The following PDGFD variants were observed in gnomAD, a reference collection of about 807,000 sequenced individuals.
The protein encoded by PDGFD is platelet-derived growth factor D.
Under a neutral mutation model 44.7 loss-of-function variants are expected in PDGFD, and 30 were observed. The ratio of observed to expected loss-of-function variants is 0.67; its 90% CI spans 0.50 to 0.91. The LOEUF (loss-of-function observed/expected upper bound fraction) is 0.91, where lower values mean the gene tolerates loss of function less well. Ranked by LOEUF, PDGFD falls within the 40% of genes least tolerant of loss-of-function variation. The pLI is 0.00. For synonymous variants in PDGFD, 173 were observed against 168.4 expected (o/e 1.03, Z -0.21); for missense variants, 445 against 457.8 (o/e 0.97, Z 0.25).
intron 6 of PDGFD, among the ~76,000 whole-genome samples, chr11:103,925,213 AT>A (rs1488109226): frequency 6.6e-6 from 1 of 152,174 alleles, no homozygotes; most frequent in South Asian, 2.1e-4. Context: ...ACTGATGGGC[AT>A]TTGGGTTGGT....
intron 1 of PDGFD, among the ~76,000 whole-genome samples, chr11:104,098,133 C>G (rs2134442495): frequency 6.6e-6 from 1 of 152,300 alleles, no homozygotes; most frequent in Non-Finnish European, 1.5e-5. Flanking sequence ...CAGTCCATTT[C>G]AATCATATAA....
chr11:103,929,219 A>T (rs1858363061), intron 5 of PDGFD, among the ~76,000 whole-genome samples: 1 of 152,212 alleles, frequency 6.6e-6, no homozygotes, highest in South Asian at 2.1e-4. Context: ...CTGGAATTGA[A>T]GCCTTTCCCC....
At chr11:104,056,925 C>G (rs1860626647) in intron 1 of PDGFD, among the ~76,000 whole-genome samples, 1 of 151,998 alleles carries the variant, frequency 6.6e-6, no homozygotes, top group Non-Finnish European at 1.5e-5. Context: ...GTTAGGAGCT[C>G]GAGACCATCC....
chr11:104,147,778 G>A (rs1220973481), intron 1 of PDGFD, among the ~76,000 whole-genome samples: 1 of 152,014 alleles, frequency 6.6e-6, no homozygotes, highest in African/African-American at 2.4e-5. Flanking sequence ...ACAAAATACA[G>A]ACCTGATACA....
In PDGFD at chr11:103,909,587, T is replaced by C; in HGVS notation, c.*107A>G. 2.8e-6 allele frequency: 4 copies of C among 1,411,158 alleles called. No individual in the cohort carries two copies. The highest frequency in any genetic ancestry group is 3.9e-6 in the Non-Finnish European group (4 of 1,014,574). The allele number at this position is 1,411,158 out of a possible 1,614,324, so 87.4% of individuals were successfully genotyped here. On this transcript the variant is annotated 3_prime_UTR_variant, in exon 7 of 7. Coordinates refer to ENST00000393158, the MANE Select transcript of PDGFD (RefSeq NM_025208.5). ...TCAGCAACCACTTGTGTTCATTGCA[T>C]TGCAGGCTAGTAGTAAGTTTGGTTG... is the stretch of plus-strand genomic sequence containing the variant.
intron 1 of PDGFD, among the ~76,000 whole-genome samples, chr11:104,075,606 AC>A (rs149939699): frequency 0.23 from 34,215 of 151,778 alleles, 4,235 homozygotes; most frequent in Non-Finnish European, 0.28. Context: ...CAATCCTCCT[AC>A]CTCAACCCCA....
At chr11:104,021,220 T>A (rs1859946198) in intron 1 of PDGFD, among the ~76,000 whole-genome samples, 1 of 152,220 alleles carries the variant, frequency 6.6e-6, no homozygotes, top group Non-Finnish European at 1.5e-5. Flanking sequence ...ACCTACTGAA[T>A]AACTAGTCTT....
chr11:104,143,176 GT>G (rs1234330132), intron 1 of PDGFD, among the ~76,000 whole-genome samples: 1 of 152,086 alleles, frequency 6.6e-6, no homozygotes, highest in Non-Finnish European at 1.5e-5. Context: ...GTTTTTAAAT[GT>G]TTTTTGTTTG....
intron 1 of PDGFD, among the ~76,000 whole-genome samples, chr11:104,093,512 T>C (rs1375870826): frequency 6.6e-6 from 1 of 152,042 alleles, no homozygotes; most frequent in African/African-American, 2.4e-5. Flanking sequence ...AAACAGAACT[T>C]CTCTTCCTTT....
intron 5 of PDGFD, among the ~76,000 whole-genome samples, 157 bp from the exon 6 acceptor site, chr11:103,927,283 A>G (rs1005384377): frequency 3.3e-5 from 5 of 152,202 alleles, no homozygotes; most frequent in Admixed American, 1.3e-4. Flanking sequence ...AACCTAAAGT[A>G]AAAGACCTAA....
intron 1 of PDGFD, among the ~76,000 whole-genome samples, chr11:104,078,952 A>G (rs1861006585): frequency 6.6e-6 from 1 of 152,164 alleles, no homozygotes; most frequent in South Asian, 2.1e-4. Context: ...CCACTTAGCA[A>G]TTGGGTAGGT....
At chr11:104,161,942 T>A (rs373573725) in intron 1 of PDGFD, among the ~76,000 whole-genome samples, 1 of 102,864 alleles carries the variant, frequency 9.7e-6, no homozygotes, top group Non-Finnish European at 1.9e-5. Context: ...TCAGAACTAA[T>A]CAAAGAGAGT....
chr11:103,967,890 C>A (rs1295554345), intron 3 of PDGFD, among the ~76,000 whole-genome samples: 2 of 152,180 alleles, frequency 1.3e-5, no homozygotes, highest in Non-Finnish European at 2.9e-5. Flanking sequence ...TGACCCTTTA[C>A]ACTCAAGCTT....
At chr11:103,940,762 G>A (rs2134320996) in intron 5 of PDGFD, among the ~76,000 whole-genome samples, 1 of 152,194 alleles carries the variant, frequency 6.6e-6, no homozygotes, top group East Asian at 1.9e-4. Context: ...TGACTTGCCA[G>A]GGTTAAATTA....
rs529881974 is a variant in PDGFD, at chr11:104,089,782, G to A, written c.124+74022C>T. Among the ~76,000 whole-genome samples the A allele has an allele frequency of 3.9e-5, 6 of 152,200 alleles. No homozygotes were observed. In the South Asian group the frequency reaches 1.2e-3, roughly 32 times the overall value. On this transcript the variant is annotated intron_variant, in intron 1 of 6. Coordinates refer to ENST00000393158, the MANE Select transcript of PDGFD (RefSeq NM_025208.5). Reference sequence around the variant, plus strand: ...TTAAGAAAAAATTTACCAAAAGACTGCTTTAAATAAAAGCCTCCAAGCTAC... The same window carrying A: ...TTAAGAAAAAATTTACCAAAAGACTACTTTAAATAAAAGCCTCCAAGCTAC...
rs951533019 is a variant in PDGFD at position 104,000,045 on chromosome 11, A to C, written c.329+6T>G. ...TAGTACCGTAAAAATTTTTTTCCCA[A>C]CTTACCTACAGATATCATTTTCTGC... is the stretch of plus-strand genomic sequence containing the variant. On this transcript the variant is annotated splice_donor_region_variant and intron_variant, in intron 2 of 6. Coordinates refer to ENST00000393158, the MANE Select transcript of PDGFD (RefSeq NM_025208.5). 6.2e-7 allele frequency: 1 copy of C among 1,611,530 alleles called. No homozygotes were observed. Among genetic ancestry groups the C allele is most frequent in the Non-Finnish European group, 8.5e-7 (1 of 1,178,982 alleles).
chr11:104,149,382 T>C (rs1019648329), intron 1 of PDGFD, among the ~76,000 whole-genome samples: 32 of 152,094 alleles, frequency 2.1e-4, no homozygotes, highest in Non-Finnish European at 4.0e-4. Flanking sequence ...GTTCTAATAT[T>C]CAACACTGAA....
At chr11:104,049,490 C>T (rs952139157) in intron 1 of PDGFD, among the ~76,000 whole-genome samples, 1 of 151,894 alleles carries the variant, frequency 6.6e-6, no homozygotes, top group Non-Finnish European at 1.5e-5. Flanking sequence ...AGTGTTATGG[C>T]TTTTAGGGGT....
intron 1 of PDGFD, among the ~76,000 whole-genome samples, chr11:104,017,141 A>G (rs2512910): frequency 0.2 from 30,978 of 152,048 alleles, 3,545 homozygotes; most frequent in African/African-American, 0.3. Flanking sequence ...ACATAGAGAG[A>G]AGGTGCCATC....
Sources: allele counts gnomAD v4.1 joint callset (sites outside exome capture counted in the v4.1 genomes callset), GRCh38; gene constraint gnomAD v4.1.1; transcripts MANE v1.5; gene names NCBI Gene and HGNC (gene_info 2026-07-23, HGNC 2026-07-21).